Variants in FOXN4 observed in about 807,000 individuals in gnomAD.
FOXN4 encodes forkhead box protein N4.
FOXN4 carries 12 observed loss-of-function variants against 45.0 expected under a neutral mutation model. The observed-to-expected ratio is 0.27, with a 90% CI of 0.17 to 0.43. The LOEUF (loss-of-function observed/expected upper bound fraction) is 0.43, where lower values mean the gene tolerates loss of function less well. FOXN4 is among the 20% of genes least tolerant of loss of function. The pLI is 1.00. For synonymous variants in FOXN4, 297 were observed against 295.0 expected (o/e 1.01, Z -0.07); for missense variants, 560 against 694.9 (o/e 0.81, Z 2.18).
intron 2 of FOXN4, among the ~76,000 whole-genome samples, chr12:109,306,412 T>G (rs948693003): frequency 6.6e-6 from 1 of 152,172 alleles, no homozygotes; most frequent in Non-Finnish European, 1.5e-5. Flanking sequence ...CTCCCCTATC[T>G]CCAGTGCTTT....
intron 2 of FOXN4, among the ~76,000 whole-genome samples, chr12:109,304,169 C>T (rs530135490): frequency 6.1e-5 from 8 of 130,264 alleles, no homozygotes; most frequent in Admixed American, 8.6e-5. Context: ...CCAGCCTGGA[C>T]GATAGAGCCA....
rs1442138206 is a variant in FOXN4, at chr12:109,287,734, A to ACCTCC, written c.468+109_468+110insGGAGG. Reference sequence around the variant, plus strand: ...GACCCCATGACATGAGCATGGAGGGAATGTTATCCCCATGTGCTGGGTGAG... The same window carrying ACCTCC: ...GACCCCATGACATGAGCATGGAGGGACCTCCATGTTATCCCCATGTGCTGGGTGAG... On this transcript the variant is annotated intron_variant, in intron 5 of 9. Transcript: ENST00000299162. The surrounding 1 kb of genome is among the most constrained non-coding windows in gnomAD (Gnocchi z 4.1). 203 of 1,155,412 alleles carry ACCTCC rather than the reference A, an allele frequency of 1.8e-4. No individual in the cohort carries two copies. The highest frequency in any genetic ancestry group is 2.0e-4 in the Non-Finnish European group (167 of 837,784). 71.6% of individuals were successfully genotyped at this position (1,155,412 alleles called of 1,614,324 possible).
rs375090420 is a variant in FOXN4, at chr12:109,285,514, A to G, written c.694-3T>C. On this transcript the variant is annotated splice_region_variant and splice_polypyrimidine_tract_variant and intron_variant, in intron 7 of 9. Coordinates refer to ENST00000299162, the MANE Select transcript of FOXN4 (RefSeq NM_213596.3). ...TTCTTCCACCCGTCGGGGGCCGTCT[A>G]TGAAGACACATGGGCATTCAGAGGC... The G allele has an allele frequency of 4.3e-6, 7 of 1,613,782 alleles. No homozygotes were observed. The highest frequency in any genetic ancestry group is 5.9e-6 in the Non-Finnish European group (7 of 1,179,914).
chr12:109,302,807 A>T (rs1253165312), intron 2 of FOXN4, among the ~76,000 whole-genome samples: 1 of 152,228 alleles, frequency 6.6e-6, no homozygotes, highest in Non-Finnish European at 1.5e-5. Context: ...CGCCCTGATT[A>T]CAACAAGGTT....
intron 2 of FOXN4, among the ~76,000 whole-genome samples, chr12:109,304,644 C>T (rs978554675): frequency 1.2e-4 from 17 of 147,142 alleles, no homozygotes; most frequent in African/African-American, 3.9e-4. Context: ...CCTCTAGCTG[C>T]TGCCCCCGCC....
intron 2 of FOXN4, among the ~76,000 whole-genome samples, chr12:109,305,480 C>A (rs1226211665): frequency 6.6e-6 from 1 of 152,172 alleles, no homozygotes; most frequent in African/African-American, 2.4e-5. Context: ...ATAATCCCAG[C>A]ACTTTGGAGG....
At position 109,287,699 on chromosome 12, in the gene FOXN4, C is replaced by T. The variant is rs777546194; in HGVS notation, c.468+145G>A. ...ACTCAGGGCAGGAGTTTTGGGGGAACGGAATGAATGACCCCATGACATGAG... is the reference window on the plus strand; with the variant it reads ...ACTCAGGGCAGGAGTTTTGGGGGAATGGAATGAATGACCCCATGACATGAG... On this transcript the variant is annotated intron_variant, in intron 5 of 9. Coordinates refer to ENST00000299162, the MANE Select transcript of FOXN4 (RefSeq NM_213596.3). This position sits in a 1 kb window ranked among gnomAD's most constrained non-coding sequence, Gnocchi z 4.1. 132 of 1,112,328 alleles carry T rather than the reference C, an allele frequency of 1.2e-4. No homozygotes were observed. The highest frequency in any genetic ancestry group is 7.9e-4 in the Middle Eastern group (3 of 3,788). The allele number at this position is 1,112,328 out of a possible 1,614,324, so 68.9% of individuals were successfully genotyped here.
chr12:109,279,863 G>T lies in FOXN4; in HGVS notation c.1362C>A (p.Ser454=), dbSNP rs566762500. 2 of 1,613,848 alleles carry T rather than the reference G, an allele frequency of 1.2e-6. No individual in the cohort carries two copies. The highest frequency in any genetic ancestry group is 1.7e-6 in the Non-Finnish European group (2 of 1,179,894). The change falls in exon 10 of 10, where the codon TCC becomes TCA. Residue 454 remains serine (S), a synonymous_variant. Coordinates refer to ENST00000299162, the MANE Select transcript of FOXN4 (RefSeq NM_213596.3). ...SLDTLGAFAD[S]PLGCDLGASG... Reference sequence around the variant, plus strand: ...AGGCCCCCAGGTCACAGCCAAGCGGGGAGTCTGCAAAGGCGCCCAGTGTGT... The same window carrying T: ...AGGCCCCCAGGTCACAGCCAAGCGGTGAGTCTGCAAAGGCGCCCAGTGTGT...
chr12:109,278,997 TA>T lies in FOXN4; in HGVS notation c.*673del, dbSNP rs1249038813. On this transcript the variant is annotated 3_prime_UTR_variant, in exon 10 of 10. Coordinates refer to ENST00000299162, the MANE Select transcript of FOXN4 (RefSeq NM_213596.3). ...CAGAAGTGGGGTGGATGGGCCACAA[TA>T]AATATAAATAAATTTACACAAGGTC... 6.6e-6 allele frequency: 1 copy of T among 152,462 alleles called. No homozygotes were observed. Among genetic ancestry groups the T allele is most frequent in the Non-Finnish European group, 1.5e-5 (1 of 68,352 alleles). The allele number at this position is 152,462 out of a possible 1,614,324, so 9.4% of individuals were successfully genotyped here.
intron 2 of FOXN4, among the ~76,000 whole-genome samples, chr12:109,300,537 G>A (rs1171029716): frequency 1.3e-5 from 2 of 152,180 alleles, no homozygotes. Flanking sequence ...TCAGAGCCTG[G>A]AGCCTCTTCA....
At chr12:109,284,644 G>A (rs1000057991) in intron 8 of FOXN4, among the ~76,000 whole-genome samples, 3 of 151,676 alleles carry the variant, frequency 2.0e-5, no homozygotes, top group Non-Finnish European at 4.4e-5. Context: ...TGGTGGCTAG[G>A]TCCTTCCTCT....
chr12:109,290,349 T>A lies in FOXN4; in HGVS notation c.87-63A>T. On this transcript the variant is annotated intron_variant, in intron 2 of 9. Coordinates refer to ENST00000299162, the MANE Select transcript of FOXN4 (RefSeq NM_213596.3). The surrounding 1 kb of genome is among the most constrained non-coding windows in gnomAD (Gnocchi z 5.1). ...GCTTAGGCCAGCTCCTGGGGGTGCG[T>A]CCCGACCTCTGGAAGCACCCGCTTA... 6.8e-7 allele frequency: 1 copy of A among 1,463,884 alleles called. No individual in the cohort carries two copies. The highest frequency in any genetic ancestry group is 9.1e-7 in the Non-Finnish European group (1 of 1,102,066). The allele number at this position is 1,463,884 out of a possible 1,614,324, so 90.7% of individuals were successfully genotyped here.
rs2047701442 is a variant in FOXN4, at chr12:109,285,518, A to G, written c.694-7T>C. ...TCCACCCGTCGGGGGCCGTCTATGA[A>G]GACACATGGGCATTCAGAGGCCTCC... On this transcript the variant is annotated splice_region_variant and splice_polypyrimidine_tract_variant and intron_variant, in intron 7 of 9. Transcript: ENST00000299162. The G allele has an allele frequency of 6.2e-7, 1 of 1,613,758 alleles. No individual in the cohort carries two copies. The highest frequency in any genetic ancestry group is 1.1e-5 in the South Asian group (1 of 91,078).
At chr12:109,295,508 G>A (rs1304201749) in intron 2 of FOXN4, among the ~76,000 whole-genome samples, 1 of 152,208 alleles carries the variant, frequency 6.6e-6, no homozygotes, top group East Asian at 1.9e-4. Context: ...AACTCTGGCC[G>A]GGTGTGGTGG....
chr12:109,304,377 A>G lies in FOXN4; in HGVS notation c.86+3859T>C, dbSNP rs543687867. ...TGCTGCCCTTGCTAAGATGTTTTGC[A>G]GGTGCCTGGCACACAGTAGATACTT... On this transcript the variant is annotated intron_variant, in intron 2 of 9. Coordinates refer to ENST00000299162, the MANE Select transcript of FOXN4 (RefSeq NM_213596.3). Among the ~76,000 whole-genome samples the G allele has an allele frequency of 4.6e-5, 7 of 152,346 alleles. No homozygotes were observed. The East Asian group carries it at 7.7e-4, about 17-fold the overall frequency.
chr12:109,303,947 T>C (rs1435601361), intron 2 of FOXN4, among the ~76,000 whole-genome samples: 1 of 151,866 alleles, frequency 6.6e-6, no homozygotes, highest in Non-Finnish European at 1.5e-5. Flanking sequence ...TCCCAGGACT[T>C]TGGGAGGCTG....
In FOXN4 at chr12:109,279,338, G is replaced by A; in HGVS notation, c.*333C>T. The A allele has an allele frequency of 2.6e-6, 1 of 383,550 alleles. No homozygotes were observed. Among genetic ancestry groups the A allele is most frequent in the Non-Finnish European group, 4.9e-6 (1 of 204,014 alleles). 23.8% of individuals were successfully genotyped at this position (383,550 alleles called of 1,614,324 possible). ...CTGAGGTCACGCAGCCAGGATCCAG[G>A]ATGGAGAAGTCTCACTCAACACGGG... is the stretch of plus-strand genomic sequence containing the variant. On this transcript the variant is annotated 3_prime_UTR_variant, in exon 10 of 10. Coordinates refer to ENST00000299162, the MANE Select transcript of FOXN4 (RefSeq NM_213596.3).
chr12:109,298,140 C>T (rs2047833972), intron 2 of FOXN4, among the ~76,000 whole-genome samples: 1 of 152,030 alleles, frequency 6.6e-6, no homozygotes, highest in Non-Finnish European at 1.5e-5. Context: ...TCCCCCATCG[C>T]CATCCCCACC....
At chr12:109,298,693 C>T (rs972082244) in intron 2 of FOXN4, among the ~76,000 whole-genome samples, 4 of 152,128 alleles carry the variant, frequency 2.6e-5, no homozygotes, top group Admixed American at 6.5e-5. Flanking sequence ...GCAAAGACCC[C>T]GACATTTGTG....
Sources: gnomAD v4.1 joint callset for allele counts (sites outside exome capture counted in the v4.1 genomes callset) on GRCh38, gnomAD v4.1.1 for gene constraint, Gnocchi (gnomAD v3.1) non-coding constraint, MANE v1.5 for transcripts, NCBI Gene and HGNC (gene_info 2026-07-23, HGNC 2026-07-21) for gene names.